GRIK1: variants seen among roughly 807,000 people sequenced by gnomAD.
The protein encoded by GRIK1 is glutamate receptor ionotropic, kainate 1.
GRIK1 carries 69 observed loss-of-function variants against 105.7 expected under a neutral mutation model. That is an observed-to-expected ratio of 0.65 (90% CI 0.54 to 0.80). GRIK1 has a LOEUF of 0.80. GRIK1 is among the 30% of genes least tolerant of loss of function. GRIK1 has a pLI of 0.00. For synonymous variants in GRIK1, 438 were observed against 431.3 expected (o/e 1.02, Z -0.19); for missense variants, 1,109 against 1,167.3 (o/e 0.95, Z 0.73).
intron 9 of GRIK1, among the ~76,000 whole-genome samples, chr21:29,591,520 A>G (rs2061334154): frequency 6.6e-6 from 1 of 152,204 alleles, no homozygotes; most frequent in Admixed American, 6.5e-5. Flanking sequence ...TTAAATGAAT[A>G]TCAGATTTTT....
intron 6 of GRIK1, among the ~76,000 whole-genome samples, chr21:29,649,583 C>T (rs949299213): frequency 8.5e-5 from 13 of 152,204 alleles, no homozygotes; most frequent in African/African-American, 1.9e-4. Flanking sequence ...CTTCACCTCA[C>T]GCTCGGCCTG....
chr21:29,637,054 A>G lies in GRIK1; in HGVS notation c.1098+5772T>C, dbSNP rs746281366. ...CTAAAACTCAATTCAGGCACCTTGA[A>G]TGTGGGTTTTAGGGAAGCCAGGGTG... is the stretch of plus-strand genomic sequence containing the variant. On this transcript the variant is annotated intron_variant, in intron 7 of 17. Coordinates refer to ENST00000327783, the MANE Select transcript of GRIK1 (RefSeq NM_001330994.2). Among the ~76,000 whole-genome samples the G allele has an allele frequency of 4.6e-5, 7 of 152,326 alleles. No homozygotes were observed. In the South Asian group the frequency reaches 1.0e-3, roughly 23 times the overall value.
intron 1 of GRIK1, among the ~76,000 whole-genome samples, chr21:29,777,854 T>G (rs149523494): frequency 6.2e-4 from 95 of 152,242 alleles, no homozygotes; most frequent in African/African-American, 2.2e-3. Context: ...TGACGACTAA[T>G]TGAGTGGCAA....
At chr21:29,593,188 G>GT (rs2061357224) in intron 9 of GRIK1, among the ~76,000 whole-genome samples, 1 of 152,168 alleles carries the variant, frequency 6.6e-6, no homozygotes, top group Admixed American at 6.5e-5. Flanking sequence ...GAGAAATAAA[G>GT]AGACAGGTAT....
At chr21:29,879,628 ATTTC>A (rs2069322788) in intron 1 of GRIK1, among the ~76,000 whole-genome samples, 1 of 152,052 alleles carries the variant, frequency 6.6e-6, no homozygotes, top group Admixed American at 6.6e-5. Flanking sequence ...TTGATTCATG[ATTTC>A]TTTGTTATTG....
intron 1 of GRIK1, among the ~76,000 whole-genome samples, chr21:29,888,197 C>CTTCCTTTCTT (rs59241719): frequency 1.1e-3 from 25 of 22,344 alleles, no homozygotes; most frequent in African/African-American, 2.3e-3. Context: ...TTCTTTCTTT[C>CTTCCTTTCTT]TCTCTCTCTC....
intron 2 of GRIK1, among the ~76,000 whole-genome samples, chr21:29,690,960 G>T (rs1196331891): frequency 7.2e-5 from 11 of 151,808 alleles, no homozygotes; most frequent in Non-Finnish European, 1.5e-4. Context: ...TTCTCCTAAA[G>T]CATATTTTTA....
intron 7 of GRIK1, among the ~76,000 whole-genome samples, chr21:29,618,608 C>T (rs915303655): frequency 2.0e-5 from 3 of 152,094 alleles, no homozygotes; most frequent in African/African-American, 7.2e-5. Flanking sequence ...ATGGAAGGAA[C>T]TCAAATGCCC....
intron 1 of GRIK1, among the ~76,000 whole-genome samples, chr21:29,924,629 T>C (rs965415888): frequency 6.6e-6 from 1 of 152,158 alleles, no homozygotes; most frequent in East Asian, 1.9e-4. Flanking sequence ...TTAATCTTAA[T>C]GTCTCAAAAA....
intron 1 of GRIK1, among the ~76,000 whole-genome samples, chr21:29,832,337 G>A (rs2067666106): frequency 6.6e-6 from 1 of 152,154 alleles, no homozygotes; most frequent in Non-Finnish European, 1.5e-5. Flanking sequence ...GCTCCACTAG[G>A]TATTGCCCTG....
At chr21:29,878,584 T>A (rs1279057839) in intron 1 of GRIK1, among the ~76,000 whole-genome samples, 1 of 152,134 alleles carries the variant, frequency 6.6e-6, no homozygotes, top group Non-Finnish European at 1.5e-5. Flanking sequence ...TTTCATACGT[T>A]GAAATCTTAA....
At chr21:29,831,772 A>G (rs548391556) in intron 1 of GRIK1, among the ~76,000 whole-genome samples, 2 of 152,204 alleles carry the variant, frequency 1.3e-5, no homozygotes, top group African/African-American at 4.8e-5. Context: ...AAAACATACC[A>G]TTCTGCCCCC....
intron 1 of GRIK1, among the ~76,000 whole-genome samples, chr21:29,803,648 G>C (rs1374338348): frequency 6.6e-6 from 1 of 152,126 alleles, no homozygotes; most frequent in African/African-American, 2.4e-5. Flanking sequence ...GGATGGGCTA[G>C]CTAACTTCCT....
At chr21:29,776,660 G>A (rs1167852586) in intron 1 of GRIK1, among the ~76,000 whole-genome samples, 2 of 152,184 alleles carry the variant, frequency 1.3e-5, no homozygotes, top group Non-Finnish European at 2.9e-5. Flanking sequence ...ACTCCCTGTT[G>A]ATAAAAGTGA....
At chr21:29,737,999 A>G (rs989693482) in intron 1 of GRIK1, among the ~76,000 whole-genome samples, 3 of 152,246 alleles carry the variant, frequency 2.0e-5, no homozygotes, top group African/African-American at 7.2e-5. Flanking sequence ...ATTTGATTAT[A>G]GGAAGCAAAT....
At chr21:29,616,124 C>T (rs117191631) in intron 7 of GRIK1, among the ~76,000 whole-genome samples, 1 of 152,214 alleles carries the variant, frequency 6.6e-6, no homozygotes, top group Non-Finnish European at 1.5e-5. Flanking sequence ...AGAAAAATGG[C>T]CAAAGAAGTA....
At chr21:29,829,635 C>A (rs2067570879) in intron 1 of GRIK1, among the ~76,000 whole-genome samples, 1 of 152,152 alleles carries the variant, frequency 6.6e-6, no homozygotes. Context: ...AGCAGAAACA[C>A]AATGAGCTGA....
chr21:29,623,044 C>T (rs778755228), intron 7 of GRIK1, among the ~76,000 whole-genome samples: 1 of 152,152 alleles, frequency 6.6e-6, no homozygotes, highest in Non-Finnish European at 1.5e-5. Flanking sequence ...GTTATTGTAT[C>T]AGTCTGTTCT....
intron 1 of GRIK1, among the ~76,000 whole-genome samples, chr21:29,933,807 CT>C (rs1217313890): frequency 6.6e-6 from 1 of 152,088 alleles, no homozygotes; most frequent in East Asian, 1.9e-4. Context: ...AAAAAGGCAG[CT>C]GGAAATATGA....
Sources: gnomAD v4.1 joint callset for allele counts (sites outside exome capture counted in the v4.1 genomes callset) on GRCh38, gnomAD v4.1.1 for gene constraint, MANE v1.5 for transcripts, NCBI Gene and HGNC (gene_info 2026-07-23, HGNC 2026-07-21) for gene names.